FBXL20: variants seen among roughly 807,000 people sequenced by gnomAD.
The protein encoded by FBXL20 is F-box/LRR-repeat protein 20.
Under a neutral mutation model 64.0 loss-of-function variants are expected in FBXL20, and 11 were observed. The ratio of observed to expected loss-of-function variants is 0.17; its 90% CI spans 0.11 to 0.28. The LOEUF (loss-of-function observed/expected upper bound fraction) is 0.28, where lower values mean the gene tolerates loss of function less well. FBXL20 is among the 10% of genes least tolerant of loss of function. The probability of loss-of-function intolerance (pLI) is 1.00; values close to 1 mark genes in which losing one functional copy is unlikely to be tolerated. For missense variants in FBXL20, 303 were observed against 526.2 expected (o/e 0.58, Z 4.15); for synonymous variants, 184 against 189.0 (o/e 0.97, Z 0.22).
intron 2 of FBXL20, among the ~76,000 whole-genome samples, chr17:39,331,244 G>T (rs1331973432): frequency 6.6e-6 from 1 of 152,216 alleles, no homozygotes; most frequent in East Asian, 1.9e-4. Flanking sequence ...GGGATTACAG[G>T]TGTGTGCCAT....
chr17:39,329,909 G>A (rs2047444160), intron 2 of FBXL20, among the ~76,000 whole-genome samples: 1 of 152,096 alleles, frequency 6.6e-6, no homozygotes, highest in Admixed American at 6.6e-5. Context: ...TGGGAGAATT[G>A]CTTGAGTCCA....
intron 9 of FBXL20, among the ~76,000 whole-genome samples, chr17:39,278,921 A>T (rs923242090): frequency 6.6e-5 from 10 of 151,786 alleles, no homozygotes; most frequent in Non-Finnish European, 1.0e-4. Context: ...TGGGAGGCCA[A>T]GGCCGGCAGA....
In FBXL20 at chr17:39,379,289, G is replaced by A. The variant is rs989479573; in HGVS notation, c.42+22072C>T. On this transcript the variant is annotated intron_variant, in intron 1 of 14. Coordinates refer to ENST00000264658, the MANE Select transcript of FBXL20 (RefSeq NM_032875.3). ...ATAACAATTGTTGGCAGGATATGGA[G>A]AAACTTGAGCCCTTGTACACTGCTG... is the stretch of plus-strand genomic sequence containing the variant. Among the ~76,000 whole-genome samples the A allele has an allele frequency of 2.0e-5, 3 of 151,900 alleles. No individual in the cohort carries two copies. The East Asian group carries it at 5.8e-4, about 29-fold the overall frequency.
intron 12 of FBXL20, among the ~76,000 whole-genome samples, chr17:39,268,075 G>C (rs1597760053): frequency 6.6e-6 from 1 of 152,252 alleles, no homozygotes; most frequent in East Asian, 1.9e-4. Context: ...TTAAAATTGT[G>C]TTAATGTGGC....
chr17:39,375,560 AT>A (rs1172640993), intron 1 of FBXL20, among the ~76,000 whole-genome samples: 1 of 152,216 alleles, frequency 6.6e-6, no homozygotes, highest in Non-Finnish European at 1.5e-5. Flanking sequence ...ACACATAGAA[AT>A]GATAAATACT....
chr17:39,310,258 G>A (rs1567874074), intron 2 of FBXL20, among the ~76,000 whole-genome samples: 1 of 151,862 alleles, frequency 6.6e-6, no homozygotes, highest in Non-Finnish European at 1.5e-5. Flanking sequence ...TGTCCAACTG[G>A]AGTCTGCATA....
At chr17:39,262,678 AAC>A (rs2046757325) in intron 14 of FBXL20, among the ~76,000 whole-genome samples, 2 of 151,976 alleles carry the variant, frequency 1.3e-5, no homozygotes, top group Admixed American at 1.3e-4. Context: ...AGAACAATCT[AAC>A]ACACAGATTC....
At chr17:39,296,907 CAATT>C (rs1332543273) in intron 6 of FBXL20, among the ~76,000 whole-genome samples, 1 of 152,168 alleles carries the variant, frequency 6.6e-6, no homozygotes, top group African/African-American at 2.4e-5. Context: ...ACACTGACTA[CAATT>C]ATTAAAAGTT....
At chr17:39,373,798 T>C (rs987863023) in intron 1 of FBXL20, among the ~76,000 whole-genome samples, 1 of 152,214 alleles carries the variant, frequency 6.6e-6, no homozygotes, top group Non-Finnish European at 1.5e-5. Flanking sequence ...AACAAGTATT[T>C]GTTGGATTAA....
intron 2 of FBXL20, among the ~76,000 whole-genome samples, chr17:39,338,118 T>C (rs1007949245): frequency 5.3e-5 from 8 of 152,182 alleles, no homozygotes; most frequent in East Asian, 1.9e-4. Flanking sequence ...GGGGAAAAGA[T>C]TGAGAAATCG....
chr17:39,276,759 T>G (rs2046899923), intron 9 of FBXL20, among the ~76,000 whole-genome samples: 2 of 152,134 alleles, frequency 1.3e-5, no homozygotes, highest in Admixed American at 1.3e-4. Flanking sequence ...AACTGAGTAA[T>G]TTGTTGCACA....
chr17:39,369,430 G>A (rs12946647), intron 1 of FBXL20, among the ~76,000 whole-genome samples: 4,896 of 151,760 alleles, frequency 0.032, 274 homozygotes, highest in African/African-American at 0.11. Context: ...GGTAATATTT[G>A]TATTTTTAGC....
At chr17:39,275,303 G>A (rs1338155772) in intron 9 of FBXL20, among the ~76,000 whole-genome samples, 1 of 152,110 alleles carries the variant, frequency 6.6e-6, no homozygotes, top group Non-Finnish European at 1.5e-5. Context: ...GGTGCAAAGG[G>A]AAGAAGCTAT....
chr17:39,336,552 G>T (rs2047523584), intron 2 of FBXL20, among the ~76,000 whole-genome samples: 2 of 152,180 alleles, frequency 1.3e-5, no homozygotes, highest in Non-Finnish European at 2.9e-5. Context: ...AAGGTTGGGG[G>T]CGGTGGCTCA....
chr17:39,336,303 AAAC>A (rs1242913482), intron 2 of FBXL20, among the ~76,000 whole-genome samples: 33 of 152,352 alleles, frequency 2.2e-4, no homozygotes, highest in African/African-American at 7.7e-4. Flanking sequence ...CTTAAAATCT[AAAC>A]AAACCAAATG....
At chr17:39,311,900 TAGAC>T (rs1306776459) in intron 2 of FBXL20, among the ~76,000 whole-genome samples, 1 of 152,128 alleles carries the variant, frequency 6.6e-6, no homozygotes, top group African/African-American at 2.4e-5. Context: ...TAAAGCACAA[TAGAC>T]AGACATGAAA....
At chr17:39,390,683 C>G (rs2048125738) in intron 1 of FBXL20, among the ~76,000 whole-genome samples, 1 of 152,102 alleles carries the variant, frequency 6.6e-6, no homozygotes, top group African/African-American at 2.4e-5. Flanking sequence ...GCCCTGATGT[C>G]ACCACTGCAT....
chr17:39,298,930 G>A, intron 5 of FBXL20, 60 bp downstream of exon 5: 1 of 1,354,230 alleles, frequency 7.4e-7, no homozygotes, highest in South Asian at 1.2e-5. Flanking sequence ...GCCTTTTCTG[G>A]GTGAGATGGT....
chr17:39,310,837 T>G (rs2047228434), intron 2 of FBXL20, among the ~76,000 whole-genome samples: 2 of 151,910 alleles, frequency 1.3e-5, no homozygotes, highest in East Asian at 3.9e-4. Context: ...ATACAAAAAT[T>G]AGTCAGGCAT....
Sources: gnomAD v4.1 joint callset for allele counts (sites outside exome capture counted in the v4.1 genomes callset) on GRCh38, gnomAD v4.1.1 for gene constraint, MANE v1.5 for transcripts, NCBI Gene and HGNC (gene_info 2026-07-23, HGNC 2026-07-21) for gene names.